The following COL13A1 variants were observed in gnomAD, a reference collection of about 807,000 sequenced individuals.
COL13A1 encodes collagen alpha-1(XIII) chain.
COL13A1 carries 89 observed loss-of-function variants against 130.9 expected under a neutral mutation model. The observed-to-expected ratio is 0.68, with a 90% confidence interval of 0.57 to 0.81. COL13A1 has a LOEUF of 0.81. COL13A1 is among the 30% of genes least tolerant of loss of function. The pLI, the probability that COL13A1 is intolerant of heterozygous loss-of-function variation, is 0.00. For missense variants in COL13A1, 879 were observed against 934.6 expected (o/e 0.94, Z 0.78); for synonymous variants, 402 against 341.6 (o/e 1.18, Z -1.95).
At chr10:69,904,859 G>A in intron 15 of COL13A1, 74 bp from the exon 16 acceptor site, 1 of 1,501,818 alleles carries the variant, frequency 6.7e-7, no homozygotes, top group Non-Finnish European at 8.9e-7. Context: ...AGGGTCTACT[G>A]TAAGTATGGC....
intron 34 of COL13A1, among the ~76,000 whole-genome samples, chr10:69,939,279 G>A (rs1057222761): frequency 2.0e-5 from 3 of 152,208 alleles, no homozygotes; most frequent in African/African-American, 7.2e-5. Flanking sequence ...TTGCCTTGGA[G>A]GAAGGCGGAG....
intron 31 of COL13A1, 80 bp from the exon 32 acceptor site, chr10:69,935,270 T>C (rs924294184): frequency 3.8e-5 from 47 of 1,250,762 alleles, no homozygotes; most frequent in Middle Eastern, 4.1e-4. Flanking sequence ...CCTCTGGCCT[T>C]GCAGTCTCCA....
chr10:69,875,223 G>A lies in COL13A1; in HGVS notation c.435+60G>A. ...ATTGCTTGCTTCTCCGTGCTGGCCT[G>A]TCCTCTAAACCATGGCAATGTGCTG... On this transcript the variant is annotated intron_variant, in intron 5 of 40. Transcript: ENST00000645393. 3.1e-6 allele frequency: 5 copies of A among 1,604,298 alleles called. No individual in the cohort carries two copies. In the South Asian group the frequency reaches 5.5e-5, roughly 18 times the overall value.
Position 69,922,695 on chromosome 10 carries a change from C to T in COL13A1, c.1144-13C>T, listed in dbSNP as rs748921068. ...TCCACACCAGGGATGCTAACTCCAC[C>T]TTCCACCCCCAGGGAGAGAAAGGCG... On this transcript the variant is annotated splice_polypyrimidine_tract_variant and intron_variant, in intron 22 of 40. Coordinates refer to ENST00000645393, the MANE Select transcript of COL13A1 (RefSeq NM_001368882.1). 24 of 1,596,022 alleles carry T rather than the reference C, an allele frequency of 1.5e-5. No individual in the cohort carries two copies. The highest frequency in any genetic ancestry group is 6.9e-5 in the Admixed American group (4 of 57,982).
chr10:69,929,098 AC>A, intron 28 of COL13A1, 99 bp downstream of exon 28: 1 of 920,068 alleles, frequency 1.1e-6, no homozygotes, highest in Non-Finnish European at 1.7e-6. Context: ...CAGCACTACC[AC>A]CATACCCTCC....
At chr10:69,949,617 C>T (rs1032537717) in intron 38 of COL13A1, among the ~76,000 whole-genome samples, 22 of 152,150 alleles carry the variant, frequency 1.4e-4, no homozygotes, top group African/African-American at 5.1e-4. Flanking sequence ...GGCAAAGGCC[C>T]GGAGCCCCAG....
At chr10:69,930,355 T>G (rs760153724) in intron 29 of COL13A1, 45 bp from the exon 30 acceptor site, 3 of 1,547,612 alleles carry the variant, frequency 1.9e-6, no homozygotes, top group Non-Finnish European at 2.6e-6. Context: ...CTCTCCTCTT[T>G]TCTCCATTAA....
intron 2 of COL13A1, among the ~76,000 whole-genome samples, chr10:69,828,430 G>C (rs987746311): frequency 6.6e-6 from 1 of 152,100 alleles, no homozygotes. Flanking sequence ...CCACTCCTCT[G>C]CTCAAAAACC....
chr10:69,952,068 G>A (rs1258250724), intron 38 of COL13A1, among the ~76,000 whole-genome samples: 2 of 152,208 alleles, frequency 1.3e-5, no homozygotes, highest in Non-Finnish European at 2.9e-5. Context: ...GATGTTTACT[G>A]TAGCTTTTCA....
At chr10:69,812,329 C>G (rs2704496) in intron 1 of COL13A1, among the ~76,000 whole-genome samples, 107,330 of 152,196 alleles carry the variant, frequency 0.71, 37,935 homozygotes, top group Non-Finnish European at 0.74. Context: ...CCAGTTACTG[C>G]CTATGTGACC....
intron 1 of COL13A1, among the ~76,000 whole-genome samples, chr10:69,806,878 G>A (rs111609026): frequency 6.6e-6 from 1 of 152,148 alleles, no homozygotes; most frequent in Non-Finnish European, 1.5e-5. Context: ...CATGGTGGTG[G>A]GTGCCTATAA....
At chr10:69,942,578 G>A (rs2067795864) in intron 35 of COL13A1, among the ~76,000 whole-genome samples, 1 of 149,862 alleles carries the variant, frequency 6.7e-6, no homozygotes, top group South Asian at 2.2e-4. Flanking sequence ...CTAACTTTAA[G>A]GGAAAATGTG....
chr10:69,935,510 G>A (rs1225860486), intron 32 of COL13A1, 119 bp downstream of exon 32: 4 of 738,096 alleles, frequency 5.4e-6, no homozygotes, highest in Non-Finnish European at 8.6e-6. Flanking sequence ...GGATTTTCTG[G>A]TCTACAAACC....
At chr10:69,905,724 C>T in intron 16 of COL13A1, 63 bp from the exon 17 acceptor site, 2 of 1,571,668 alleles carry the variant, frequency 1.3e-6, no homozygotes, top group Non-Finnish European at 1.7e-6. Flanking sequence ...GTGTGGGGAA[C>T]AGCACAAGTC....
chr10:69,957,147 G>A, intron 40 of COL13A1, 105 bp downstream of exon 40: 2 of 932,782 alleles, frequency 2.1e-6, no homozygotes, highest in Non-Finnish European at 3.5e-6. Context: ...CAAGACATAG[G>A]TCAAATAGTC....
intron 14 of COL13A1, 34 bp from the exon 15 acceptor site, chr10:69,902,714 C>T (rs2062329831): frequency 6.6e-7 from 1 of 1,521,638 alleles, no homozygotes; most frequent in Non-Finnish European, 8.9e-7. Context: ...GCTCTGGGGG[C>T]CTTCCCTCTA....
chr10:69,847,421 C>T (rs988903137), intron 2 of COL13A1, among the ~76,000 whole-genome samples: 1 of 152,162 alleles, frequency 6.6e-6, no homozygotes, highest in East Asian at 1.9e-4. Flanking sequence ...ATGAGGTCAC[C>T]CTGTAAACAT....
chr10:69,933,236 G>C (rs913342023), intron 31 of COL13A1, among the ~76,000 whole-genome samples: 1 of 150,974 alleles, frequency 6.6e-6, no homozygotes, highest in African/African-American at 2.4e-5. Context: ...TCAGGGAATC[G>C]GGCAAGCATC....
chr10:69,885,587 G>A (rs182920938), intron 7 of COL13A1, among the ~76,000 whole-genome samples: 2 of 152,298 alleles, frequency 1.3e-5, no homozygotes, highest in Admixed American at 6.5e-5. Flanking sequence ...CATTCATCCT[G>A]CTACCAGGGC....
Sources: allele counts gnomAD v4.1 joint callset (sites outside exome capture counted in the v4.1 genomes callset), GRCh38; gene constraint gnomAD v4.1.1; transcripts MANE v1.5; gene names NCBI Gene and HGNC (gene_info 2026-07-23, HGNC 2026-07-21).